XIRP2: variants seen among roughly 807,000 people sequenced by gnomAD.
XIRP2 encodes the protein xin actin binding repeat containing 2.
Under a neutral mutation model 277.0 loss-of-function variants are expected in XIRP2, and 236 were observed. The observed-to-expected ratio is 0.85, with a 90% CI of 0.77 to 0.95. The LOEUF (loss-of-function observed/expected upper bound fraction) is 0.95. Among genes scored for constraint, XIRP2 ranks in the 40% least tolerant of loss-of-function variants. XIRP2 has a pLI of 0.00. For missense variants in XIRP2, 4,640 were observed against 4,157.5 expected, an observed-to-expected ratio of 1.12 and a Z score of -3.19; for synonymous variants, 1,490 against 1,416.5, an observed-to-expected ratio of 1.05 and a Z score of -1.17.
rs564919886 is a variant in XIRP2, at chr2:166,921,540, T to C, written c.408+17650T>C. Among the ~76,000 whole-genome samples, 4 of 152,260 alleles carry C rather than the reference T, an allele frequency of 2.6e-5. No homozygotes were observed. The South Asian group carries it at 6.2e-4, about 24-fold the overall frequency. On this transcript the variant is annotated intron_variant, in intron 2 of 10. Transcript: ENST00000409195. ...TACCCCTTTCATTCTCCAAAGTGTC[T>C]GGATGATAAATTATTTCATCACCCA...
intron 2 of XIRP2, among the ~76,000 whole-genome samples, chr2:166,937,510 A>T (rs1685553372): frequency 6.6e-6 from 1 of 152,086 alleles, no homozygotes; most frequent in Admixed American, 6.6e-5. Context: ...TATTTTTTTG[A>T]GGATTTTTGC....
At chr2:167,046,122 T>C (rs987113865) in intron 2 of XIRP2, among the ~76,000 whole-genome samples, 1 of 152,086 alleles carries the variant, frequency 6.6e-6, no homozygotes, top group Non-Finnish European at 1.5e-5. Context: ...TTGGTGGCTA[T>C]TATGCATGGA....
intron 2 of XIRP2, among the ~76,000 whole-genome samples, chr2:167,084,182 G>T (rs1179547792): frequency 1.3e-5 from 2 of 152,148 alleles, no homozygotes; most frequent in Non-Finnish European, 1.5e-5. Context: ...GGCCTTTTCT[G>T]CATCTATTGA....
intron 2 of XIRP2, among the ~76,000 whole-genome samples, chr2:167,085,939 T>C (rs1182840280): frequency 6.6e-6 from 1 of 152,208 alleles, no homozygotes; most frequent in Non-Finnish European, 1.5e-5. Context: ...TTAGCCCATT[T>C]ACATTTAAAG....
chr2:167,073,675 A>G (rs187036875), intron 2 of XIRP2, among the ~76,000 whole-genome samples: 45 of 152,236 alleles, frequency 3.0e-4, no homozygotes, highest in Admixed American at 1.2e-3. Context: ...AGATAAATTA[A>G]ATTTAGAAAG....
intron 2 of XIRP2, among the ~76,000 whole-genome samples, chr2:167,016,027 T>C (rs1305783241): frequency 6.6e-6 from 1 of 151,888 alleles, no homozygotes; most frequent in East Asian, 1.9e-4. Flanking sequence ...AAATTCATTA[T>C]ATCTGGTGTC....
At chr2:167,094,970 G>C (rs986166509) in intron 2 of XIRP2, among the ~76,000 whole-genome samples, 1 of 152,046 alleles carries the variant, frequency 6.6e-6, no homozygotes, top group Non-Finnish European at 1.5e-5. Flanking sequence ...TTTTCCATTT[G>C]TTTCTGTCCT....
chr2:167,252,759 T>G (rs1187632739), intron 9 of XIRP2, among the ~76,000 whole-genome samples: 8 of 151,958 alleles, frequency 5.3e-5, no homozygotes, highest in African/African-American at 1.7e-4. Context: ...TTAATGTGCA[T>G]CATTAGTTTA....
At chr2:166,924,853 G>A (rs889433151) in intron 2 of XIRP2, among the ~76,000 whole-genome samples, 15 of 152,090 alleles carry the variant, frequency 9.9e-5, no homozygotes, top group African/African-American at 3.6e-4. Context: ...TTTAAATTCA[G>A]AAATTATTAA....
chr2:167,013,075 C>A (rs1687726367), intron 2 of XIRP2, among the ~76,000 whole-genome samples: 1 of 151,204 alleles, frequency 6.6e-6, no homozygotes. Context: ...ACTAACTGAC[C>A]AGTTAAATTG....
intron 2 of XIRP2, among the ~76,000 whole-genome samples, chr2:166,999,986 A>G (rs1687322289): frequency 6.6e-6 from 1 of 152,190 alleles, no homozygotes; most frequent in South Asian, 2.1e-4. Flanking sequence ...AATTTTAAAA[A>G]GATATTTGGC....
intron 2 of XIRP2, among the ~76,000 whole-genome samples, chr2:167,031,206 C>G (rs567344667): frequency 6.6e-6 from 1 of 152,110 alleles, no homozygotes; most frequent in Non-Finnish European, 1.5e-5. Context: ...AAGGTTAACA[C>G]TGTTATGTGT....
chr2:167,223,463 T>A lies in XIRP2; in HGVS notation c.858+5163T>A, dbSNP rs1694493964. ...ATGTAAATGCTAGGATTCTGTAAGA[T>A]TATGCAGATTTGGAACAATCTCTAG... On this transcript the variant is annotated intron_variant, in intron 5 of 10. Transcript: ENST00000409195. 2.0e-5 allele frequency among the ~76,000 whole-genome samples: 3 copies of A among 152,212 alleles called. No individual in the cohort carries two copies. The South Asian group carries it at 6.2e-4, about 32-fold the overall frequency.
At chr2:167,163,009 T>A (rs561446906) in intron 3 of XIRP2, among the ~76,000 whole-genome samples, 4 of 152,296 alleles carry the variant, frequency 2.6e-5, no homozygotes, top group Admixed American at 1.3e-4. Flanking sequence ...AGAAGGTTTT[T>A]CTCCCCTTTC....
chr2:166,956,330 A>G (rs1199949573), intron 2 of XIRP2, among the ~76,000 whole-genome samples: 1 of 151,870 alleles, frequency 6.6e-6, no homozygotes, highest in Non-Finnish European at 1.5e-5. Context: ...CTCATTGCTA[A>G]TATCCTTTGT....
At chr2:167,142,966 G>A (rs921711372) in intron 3 of XIRP2, among the ~76,000 whole-genome samples, 1 of 152,062 alleles carries the variant, frequency 6.6e-6, no homozygotes, top group Non-Finnish European at 1.5e-5. Context: ...TGAAGGGAGA[G>A]AGAAAAAGAT....
rs1553500708 is a variant in XIRP2 at position 167,214,297 on chromosome 2, G to GGAAGGAAGGA, written c.723+3402_723+3403insGAAGGAAGGA. 8.0e-5 allele frequency among the ~76,000 whole-genome samples: 7 copies of GGAAGGAAGGA among 87,184 alleles called. 2 individuals carry two copies. Among genetic ancestry groups the GGAAGGAAGGA allele is most frequent in the African/African-American group, 3.6e-4 (7 of 19,514 alleles). The allele number at this position is 87,184 out of a possible 152,430, so 57.2% of individuals were successfully genotyped here. A position where few individuals can be genotyped will look rare whatever the true frequency, so the allele number is the denominator to read the frequency against. On this transcript the variant is annotated intron_variant, in intron 4 of 10. Coordinates refer to ENST00000409195, the MANE Select transcript of XIRP2 (RefSeq NM_152381.6). ...AAAGAGAGGGAGGGAGGGAGGGAGG[G>GGAAGGAAGGA]AGGAAGGAAGGAAGGAAGGAAGGAA...
chr2:167,113,520 T>C (rs367935342), intron 2 of XIRP2, among the ~76,000 whole-genome samples: 1 of 152,214 alleles, frequency 6.6e-6, no homozygotes, highest in Non-Finnish European at 1.5e-5. Flanking sequence ...TCCCTTCATT[T>C]TGAGCCTATG....
chr2:167,216,164 A>C (rs1229937613), intron 4 of XIRP2, among the ~76,000 whole-genome samples: 1 of 102,240 alleles, frequency 9.8e-6, no homozygotes, highest in East Asian at 2.7e-4. Flanking sequence ...CGTTAGACCT[A>C]AAACCATAAA....
Sources: allele counts gnomAD v4.1 joint callset (sites outside exome capture counted in the v4.1 genomes callset), GRCh38; gene constraint gnomAD v4.1.1; transcripts MANE v1.5; gene names NCBI Gene and HGNC (gene_info 2026-07-23, HGNC 2026-07-21).